BAZ2B: variants seen among roughly 807,000 people sequenced by gnomAD.
The protein encoded by BAZ2B is bromodomain adjacent to zinc finger domain protein 2B.
BAZ2B carries 91 observed loss-of-function variants against 246.0 expected under a neutral mutation model. The ratio of observed to expected loss-of-function variants is 0.37; its 90% CI spans 0.31 to 0.44. The LOEUF (loss-of-function observed/expected upper bound fraction) is 0.44, where lower values mean the gene tolerates loss of function less well. Ranked by LOEUF, BAZ2B falls within the 20% of genes least tolerant of loss-of-function variation. The probability of loss-of-function intolerance (pLI) is 1.00; values close to 1 mark genes in which losing one functional copy is unlikely to be tolerated. For synonymous variants in BAZ2B, 855 were observed against 860.0 expected (o/e 0.99, Z 0.10); for missense variants, 2,332 against 2,533.7 (o/e 0.92, Z 1.71).
the BAZ2B span, among the ~76,000 whole-genome samples, chr2:159,686,848 C>T: frequency 1.3e-4 from 20 of 152,092 alleles, no homozygotes; most frequent in Admixed American, 2.6e-4. Flanking sequence ...CGAGACCACC[C>T]TGGCTAACAT....
intron 36 of BAZ2B, among the ~76,000 whole-genome samples, chr2:159,322,976 G>C (rs916415778): frequency 8.0e-5 from 12 of 150,534 alleles, no homozygotes; most frequent in Non-Finnish European, 1.8e-4. Context: ...ATTTTTCAAA[G>C]GAGCTCTGAT....
chr2:159,647,114 A>G, the BAZ2B span, among the ~76,000 whole-genome samples: 1 of 152,258 alleles, frequency 6.6e-6, no homozygotes, highest in African/African-American at 2.4e-5. Flanking sequence ...GGAGAACCCC[A>G]CACCTTGGAT....
chr2:159,637,543 C>G, the BAZ2B span, among the ~76,000 whole-genome samples: 1 of 152,148 alleles, frequency 6.6e-6, no homozygotes, highest in Non-Finnish European at 1.5e-5. Flanking sequence ...TAAAATAAAA[C>G]ATCAGGTAAA....
chr2:159,506,209 C>T (rs1265273221), intron 2 of BAZ2B, among the ~76,000 whole-genome samples: 1 of 152,104 alleles, frequency 6.6e-6, no homozygotes, highest in African/African-American at 2.4e-5. Flanking sequence ...CTGGGTAAGG[C>T]TCTCTACCCA....
chr2:159,699,286 T>C, the BAZ2B span, among the ~76,000 whole-genome samples: 1 of 152,198 alleles, frequency 6.6e-6, no homozygotes, highest in East Asian at 1.9e-4. Flanking sequence ...CTCAAGCTTA[T>C]AATCCCAACA....
chr2:159,632,933 A>G, the BAZ2B span, among the ~76,000 whole-genome samples: 82,294 of 152,018 alleles, frequency 0.54, 23,108 homozygotes, highest in East Asian at 0.74. Flanking sequence ...TTGCTCAACA[A>G]TTGCAACCAT....
At position 159,609,542 on chromosome 2, in the gene BAZ2B, T is replaced by A. The variant is rs751703616; in HGVS notation, c.-46+6700A>T. Among the ~76,000 whole-genome samples the A allele has an allele frequency of 1.3e-4, 20 of 152,290 alleles. 1 individual carries two copies. In the South Asian group the frequency reaches 4.1e-3, roughly 32 times the overall value. On this transcript the variant is annotated intron_variant, in intron 1 of 36. Transcript: ENST00000392783. ...GCAATATTTCCAAATCCAGGATAAT[T>A]CTGTTATTGATCTATGGACAAAATC... is the stretch of plus-strand genomic sequence containing the variant.
At chr2:159,342,953 G>A (rs2067012447) in intron 31 of BAZ2B, among the ~76,000 whole-genome samples, 1 of 152,148 alleles carries the variant, frequency 6.6e-6, no homozygotes, top group Non-Finnish European at 1.5e-5. Flanking sequence ...AGACTGAATA[G>A]CTAAAGCAAT....
In BAZ2B at chr2:159,398,904, CA is replaced by C. The variant is rs1264824625; in HGVS notation, c.2899-11del. On this transcript the variant is annotated splice_polypyrimidine_tract_variant and intron_variant, in intron 17 of 36. Transcript: ENST00000392783. Reference sequence around the variant, plus strand: ...TCTTTTTCTTTTTAGCCTGTGCATGCAAAACAGGTCTCAAAGTCATGCAACA... The same window carrying C: ...TCTTTTTCTTTTTAGCCTGTGCATGCAAACAGGTCTCAAAGTCATGCAACA... The C allele has an allele frequency of 1.2e-6, 2 of 1,607,582 alleles. No individual in the cohort carries two copies.
At chr2:159,432,076 T>C (rs965068475) in intron 9 of BAZ2B, among the ~76,000 whole-genome samples, 3 of 152,282 alleles carry the variant, frequency 2.0e-5, no homozygotes, top group East Asian at 1.9e-4. Context: ...TTCCTATTCA[T>C]ATTAGCTGCT....
At chr2:159,569,115 T>A (rs1311133021) in intron 1 of BAZ2B, among the ~76,000 whole-genome samples, 1 of 152,182 alleles carries the variant, frequency 6.6e-6, no homozygotes, top group African/African-American at 2.4e-5. Flanking sequence ...TATATCTCTA[T>A]TATAAATGAA....
chr2:159,629,054 C>A, the BAZ2B span, among the ~76,000 whole-genome samples: 1 of 152,122 alleles, frequency 6.6e-6, no homozygotes, highest in Non-Finnish European at 1.5e-5. Flanking sequence ...ATTTATGCAG[C>A]AAACAAACAT....
chr2:159,510,555 G>A (rs1188146712), intron 2 of BAZ2B, among the ~76,000 whole-genome samples: 2 of 152,124 alleles, frequency 1.3e-5, no homozygotes, highest in Admixed American at 6.5e-5. Context: ...GTTGTACAGC[G>A]CTGTGAATGT....
At chr2:159,344,749 C>CT (rs566013848) in intron 31 of BAZ2B, among the ~76,000 whole-genome samples, 159 of 151,828 alleles carry the variant, frequency 1.0e-3, no homozygotes, top group African/African-American at 3.8e-3. Context: ...GAGGACATTA[C>CT]TTTAAGTGAA....
intron 3 of BAZ2B, among the ~76,000 whole-genome samples, chr2:159,465,742 T>C (rs755591116): frequency 3.9e-5 from 6 of 152,022 alleles, no homozygotes; most frequent in Non-Finnish European, 7.4e-5. Flanking sequence ...GCCAACATGG[T>C]GAAACCCTGT....
At chr2:159,324,749 A>C (rs1377968355) in intron 36 of BAZ2B, 62 bp downstream of exon 36, 3 of 1,238,070 alleles carry the variant, frequency 2.4e-6, no homozygotes, top group African/African-American at 3.2e-5. Context: ...GCTCACTAAA[A>C]ATATGCCTAG....
At chr2:159,590,094 G>T (rs1417424743) in intron 1 of BAZ2B, among the ~76,000 whole-genome samples, 2 of 148,994 alleles carry the variant, frequency 1.3e-5, no homozygotes, top group Non-Finnish European at 3.0e-5. Context: ...GGCTAAGGCA[G>T]GAGAATCGCT....
At chr2:159,685,084 T>G in the BAZ2B span, among the ~76,000 whole-genome samples, 1 of 152,226 alleles carries the variant, frequency 6.6e-6, no homozygotes, top group Non-Finnish European at 1.5e-5. Flanking sequence ...TAAACTAGAC[T>G]GCTTACTGAT....
At chr2:159,419,608 A>AT in intron 13 of BAZ2B, among the ~76,000 whole-genome samples, 2 of 152,208 alleles carry the variant, frequency 1.3e-5, no homozygotes, top group Non-Finnish European at 2.9e-5. Flanking sequence ...AAAACAAGTG[A>AT]GAAAGATGTG....
Sources: gnomAD v4.1 joint callset for allele counts (sites outside exome capture counted in the v4.1 genomes callset) on GRCh38, gnomAD v4.1.1 for gene constraint, MANE v1.5 for transcripts, NCBI Gene and HGNC (gene_info 2026-07-23, HGNC 2026-07-21) for gene names.